RNLS: variants seen among roughly 807,000 people sequenced by gnomAD.
The protein encoded by RNLS is renalase.
A neutral mutation model predicts 39.8 loss-of-function variants in RNLS; 39 were observed. That is an observed-to-expected ratio of 0.98 (90% CI 0.76 to 1.28). The LOEUF (loss-of-function observed/expected upper bound fraction) is 1.28. Ranked by LOEUF, RNLS falls within the 50% of genes most tolerant of loss-of-function variation. The pLI is 0.00. For missense variants in RNLS, 410 were observed against 413.3 expected, an observed-to-expected ratio of 0.99 and a Z score of 0.07; for synonymous variants, 147 against 150.7, an observed-to-expected ratio of 0.98 and a Z score of 0.18.
chr10:88,387,730 A>C (rs1227942847), intron 4 of RNLS, among the ~76,000 whole-genome samples: 1 of 152,226 alleles, frequency 6.6e-6, no homozygotes, highest in Admixed American at 6.5e-5. Flanking sequence ...TCTGGCTAAA[A>C]ATCTAACACT....
intron 4 of RNLS, among the ~76,000 whole-genome samples, chr10:88,479,233 A>G (rs1322937542): frequency 6.6e-6 from 1 of 152,180 alleles, no homozygotes; most frequent in Non-Finnish European, 1.5e-5. Context: ...CGAAAAGTCA[A>G]TGGCTTTGCT....
the RNLS span, among the ~76,000 whole-genome samples, chr10:88,183,443 C>T: frequency 5.3e-5 from 8 of 152,028 alleles, no homozygotes; most frequent in Non-Finnish European, 1.0e-4. Flanking sequence ...AAAAATGTAA[C>T]TTCAATGCAT....
At chr10:88,387,502 C>CAAAAAAAAAAAAAAAAAAAAAAG (rs1851940200) in intron 4 of RNLS, among the ~76,000 whole-genome samples, 1 of 70,114 alleles carries the variant, frequency 1.4e-5, no homozygotes, top group African/African-American at 6.2e-5. Context: ...GAGAACAGAG[C>CAAAAAAAAAAAAAAAAAAAAAAG]AAAAAAAAAA....
chr10:88,548,442 C>G (rs1203023049), intron 4 of RNLS, among the ~76,000 whole-genome samples: 2 of 149,174 alleles, frequency 1.3e-5, no homozygotes, highest in Admixed American at 6.7e-5. Flanking sequence ...GAGTTCAAGA[C>G]CCGCTGGCCA....
the RNLS span, among the ~76,000 whole-genome samples, chr10:88,195,109 C>T: frequency 6.6e-6 from 1 of 152,178 alleles, no homozygotes; most frequent in Non-Finnish European, 1.5e-5. Flanking sequence ...TTCATCATCC[C>T]CTTTTCAAAA....
chr10:88,501,590 G>A (rs1410722998), intron 4 of RNLS, among the ~76,000 whole-genome samples: 1 of 152,050 alleles, frequency 6.6e-6, no homozygotes, highest in African/African-American at 2.4e-5. Context: ...GTTCCTCTAA[G>A]GTCTACGGAT....
the RNLS span, among the ~76,000 whole-genome samples, chr10:88,210,939 G>A: frequency 2.0e-5 from 3 of 152,116 alleles, no homozygotes; most frequent in African/African-American, 7.2e-5. Context: ...GTGTGGTTTT[G>A]AGGATCAATG....
chr10:88,460,383 A>G (rs931314540), intron 4 of RNLS, among the ~76,000 whole-genome samples: 1 of 152,140 alleles, frequency 6.6e-6, no homozygotes, highest in Admixed American at 6.6e-5. Flanking sequence ...CTTTTCGCAT[A>G]GCTGTCTCCT....
chr10:88,378,933 G>C (rs902899181), intron 4 of RNLS, among the ~76,000 whole-genome samples: 1 of 152,096 alleles, frequency 6.6e-6, no homozygotes, highest in Non-Finnish European at 1.5e-5. Context: ...CAATAGTATA[G>C]ATAAATACAT....
the RNLS span, among the ~76,000 whole-genome samples, chr10:88,188,772 C>T: frequency 6.6e-6 from 1 of 152,154 alleles, no homozygotes; most frequent in Non-Finnish European, 1.5e-5. Context: ...ACCAGCTGAA[C>T]AACATAAATA....
At chr10:88,271,943 G>C (rs1003872671), downstream of RNLS, among the ~76,000 whole-genome samples, 4 of 152,224 alleles carry the variant, frequency 2.6e-5, no homozygotes, top group African/African-American at 9.6e-5. Context: ...ATGTCTACCA[G>C]AGAAAATGAT....
the RNLS span, among the ~76,000 whole-genome samples, chr10:88,206,433 A>G: frequency 6.6e-6 from 1 of 152,292 alleles, no homozygotes; most frequent in East Asian, 1.9e-4. Flanking sequence ...TGTATTAAAA[A>G]TGCTATCCTG....
intron 6 of RNLS, among the ~76,000 whole-genome samples, chr10:88,290,213 C>T (rs1843572655): frequency 1.3e-5 from 2 of 152,184 alleles, no homozygotes; most frequent in African/African-American, 2.4e-5. Context: ...CGTCCCTGGA[C>T]TAGGAGACAT....
chr10:88,436,725 C>A lies in RNLS; in HGVS notation c.527-74000G>T, dbSNP rs148153917. 9.7e-4 allele frequency among the ~76,000 whole-genome samples: 148 copies of A among 152,140 alleles called. 1 individual carries two copies. The highest frequency in any genetic ancestry group is 3.4e-3 in the African/African-American group (140 of 41,520). ...TGGTCTTTGTCCCTCAGAATTCTATCATTTACCCCTATAATTAGATAAAAG... is the reference window on the plus strand; with the variant it reads ...TGGTCTTTGTCCCTCAGAATTCTATAATTTACCCCTATAATTAGATAAAAG... On this transcript the variant is annotated intron_variant, in intron 4 of 6. Transcript: ENST00000331772.
the RNLS span, among the ~76,000 whole-genome samples, chr10:88,188,735 A>G: frequency 1.7e-4 from 26 of 152,216 alleles, no homozygotes; most frequent in Non-Finnish European, 2.8e-4. Context: ...CACCATAGAC[A>G]CAAGACTACA....
At chr10:88,176,480 T>C in the RNLS span, among the ~76,000 whole-genome samples, 1 of 152,208 alleles carries the variant, frequency 6.6e-6, no homozygotes, top group East Asian at 1.9e-4. Flanking sequence ...AGCCAGCCTA[T>C]CTTATAGTTA....
intron 5 of RNLS, among the ~76,000 whole-genome samples, chr10:88,318,362 G>C (rs994986048): frequency 1.3e-5 from 2 of 152,206 alleles, no homozygotes; most frequent in East Asian, 3.8e-4. Flanking sequence ...TCGGTGAAGG[G>C]GGTAGCACTG....
At chr10:88,200,338 G>A in the RNLS span, among the ~76,000 whole-genome samples, 1 of 152,268 alleles carries the variant, frequency 6.6e-6, no homozygotes, top group Non-Finnish European at 1.5e-5. Flanking sequence ...TACTTTGCAG[G>A]GATTGTCTCC....
the RNLS span, among the ~76,000 whole-genome samples, chr10:88,230,560 A>C: frequency 2.0e-5 from 3 of 152,138 alleles, no homozygotes; most frequent in African/African-American, 7.2e-5. Flanking sequence ...CACAGCGTAC[A>C]TCTACTGGTA....
Sources: allele counts gnomAD v4.1 joint callset (sites outside exome capture counted in the v4.1 genomes callset), GRCh38; gene constraint gnomAD v4.1.1; transcripts MANE v1.5; gene names NCBI Gene and HGNC (gene_info 2026-07-23, HGNC 2026-07-21).